ANKRD9: variants seen among roughly 807,000 people sequenced by gnomAD.
The protein encoded by ANKRD9 is ankyrin repeat domain 9.
In ANKRD9, 13 loss-of-function variants were observed where a neutral mutation model predicts 19.2. That is an observed-to-expected ratio of 0.68 (90% CI 0.44 to 1.08). ANKRD9 has a LOEUF of 1.08. Among genes scored for constraint, ANKRD9 ranks in the 50% least tolerant of loss-of-function variants. The pLI is 0.00. For synonymous variants in ANKRD9, 278 were observed against 256.8 expected, an observed-to-expected ratio of 1.08 and a Z score of -0.79; for missense variants, 518 against 499.9, an observed-to-expected ratio of 1.04 and a Z score of -0.34.
rs1290503936 is a variant in ANKRD9 at position 102,502,199 on chromosome 14, G to A, written c.*4737C>T. ...TCCCGGGCATGGTCATGAAAGCGTG[G>A]TTCTGTAAGAAATCAGAGGGAGAAA... On this transcript the variant is annotated 3_prime_UTR_variant, in exon 4 of 4. Transcript: ENST00000286918. 3 of 152,392 alleles carry A rather than the reference G, an allele frequency of 2.0e-5. No individual in the cohort carries two copies. Among genetic ancestry groups the A allele is most frequent in the Non-Finnish European group, 2.9e-5 (2 of 68,056 alleles). 9.4% of individuals were successfully genotyped at this position (152,392 alleles called of 1,614,324 possible). A position where few individuals can be genotyped will look rare whatever the true frequency, so the allele number is the denominator to read the frequency against.
rs1891621019 is a variant in ANKRD9, at chr14:102,507,146, G to A, written c.744C>T (p.Arg248=). Residue 248 remains arginine, a synonymous_variant, in exon 4 of 4, where the codon CGC becomes CGT. Coordinates refer to ENST00000286918, the MANE Select transcript of ANKRD9 (RefSeq NM_152326.4). The surrounding 1 kb of genome is among the most constrained non-coding windows in gnomAD (Gnocchi z 9.2). The part of the protein sequence containing the change: ...YTPVGAAGSA[R]QELLGDRPRW... The stretch of plus-strand genomic sequence containing the variant: ...GCGGCCGGTCGCCCAGCAGCTCCTG[G>A]CGGGCCGAGCCGGCGGCACCCACGG... 5.6e-6 allele frequency: 8 copies of A among 1,438,366 alleles called. No homozygotes were observed. The highest frequency in any genetic ancestry group is 7.2e-6 in the Non-Finnish European group (8 of 1,103,462). The allele number at this position is 1,438,366 out of a possible 1,614,324, so 89.1% of individuals were successfully genotyped here. A position where few individuals can be genotyped will look rare whatever the true frequency, so the allele number is the denominator to read the frequency against.
At position 102,507,788 on chromosome 14, in the gene ANKRD9, C is replaced by A; in HGVS notation, c.102G>T (p.Ser34=). The change falls in exon 4 of 4, where the codon TCG becomes TCT. Residue 34 remains serine (S), a synonymous_variant. Transcript: ENST00000286918. The surrounding 1 kb of genome is among the most constrained non-coding windows in gnomAD (Gnocchi z 9.2). ...SRAQKQCRKS[S]FAFYQAVRDL... Reference sequence around the variant, plus strand: ...CGCGCACCGCCTGGTAGAAGGCGAACGACGACTTGCGGCACTGCTTCTGCG... The same window carrying A: ...CGCGCACCGCCTGGTAGAAGGCGAAAGACGACTTGCGGCACTGCTTCTGCG... 9 of 1,466,666 alleles carry A rather than the reference C, an allele frequency of 6.1e-6. No homozygotes were observed. Among genetic ancestry groups the A allele is most frequent in the South Asian group, 1.2e-5 (1 of 80,850 alleles). The allele number at this position is 1,466,666 out of a possible 1,614,324, so 90.9% of individuals were successfully genotyped here.
rs896560335 is a variant in ANKRD9, at chr14:102,504,580, C to T, written c.*2356G>A. On this transcript the variant is annotated 3_prime_UTR_variant, in exon 4 of 4. Coordinates refer to ENST00000286918, the MANE Select transcript of ANKRD9 (RefSeq NM_152326.4). ...GGCTGCTTATCTGCCCAGCACCTTT[C>T]CTCTAGGTCCTCTCCTCCCACCAGT... 2.0e-5 allele frequency: 3 copies of T among 152,500 alleles called. No homozygotes were observed. Among genetic ancestry groups the T allele is most frequent in the African/African-American group, 7.2e-5 (3 of 41,452 alleles). The allele number at this position is 152,500 out of a possible 1,614,324, so 9.4% of individuals were successfully genotyped here. A position where few individuals can be genotyped will look rare whatever the true frequency, so the allele number is the denominator to read the frequency against.
Position 102,506,981 on chromosome 14 carries a change from C to T in ANKRD9, c.909G>A (p.Pro303=). 1.3e-6 allele frequency: 2 copies of T among 1,567,940 alleles called. No homozygotes were observed. Among genetic ancestry groups the T allele is most frequent in the South Asian group, 1.2e-5 (1 of 86,618 alleles). The part of the protein sequence containing the change: ...GRFPEALDEL[P]LPPFLQPLDL... ...CCAACGGCTGCAGGAATGGGGGCAG[C>T]GGCAGCTCGTCCAGGGCCTCGGGGA... Residue 303 remains proline, a synonymous_variant, in exon 4 of 4, where the codon CCG becomes CCA. Coordinates refer to ENST00000286918, the MANE Select transcript of ANKRD9 (RefSeq NM_152326.4).
rs1891658224 is a variant in ANKRD9, at chr14:102,507,708, C to T, written c.182G>A (p.Trp61Ter). 2.6e-6 allele frequency: 4 copies of T among 1,541,988 alleles called. No individual in the cohort carries two copies. Among genetic ancestry groups the T allele is most frequent in the Non-Finnish European group, 2.6e-6 (3 of 1,149,844 alleles). ...EDMRASEAFH[W>*]DERGRAAAYS... ...GGCGGCGGCGCGCCCGCGCTCGTCCCAGTGGAAGGCCTCGCTGGCGCGCAT... is the reference window on the plus strand; with the variant it reads ...GGCGGCGGCGCGCCCGCGCTCGTCCTAGTGGAAGGCCTCGCTGGCGCGCAT... The change falls in exon 4 of 4, where the codon TGG becomes TAG. Residue 61 changes from tryptophan to a stop codon, truncating the protein, a stop_gained. Coordinates refer to ENST00000286918, the MANE Select transcript of ANKRD9 (RefSeq NM_152326.4). LOFTEE classifies it high-confidence loss of function. The surrounding 1 kb of genome is among the most constrained non-coding windows in gnomAD (Gnocchi z 9.2).
Position 102,505,283 on chromosome 14 carries a change from C to CCCA in ANKRD9, c.*1652_*1653insTGG, listed in dbSNP as rs1891556590. On this transcript the variant is annotated 3_prime_UTR_variant, in exon 4 of 4. Coordinates refer to ENST00000286918, the MANE Select transcript of ANKRD9 (RefSeq NM_152326.4). ...CCAAAGGAGAGGCACCTCCCCCCCC[C>CCCA]ATGGCATCTCCAATCTGAGGACCTG... The CCCA allele has an allele frequency of 1.3e-5, 2 of 152,114 alleles. No homozygotes were observed. Among genetic ancestry groups the CCCA allele is most frequent in the Non-Finnish European group, 2.9e-5 (2 of 68,018 alleles). The allele number at this position is 152,114 out of a possible 1,614,324, so 9.4% of individuals were successfully genotyped here. A position where few individuals can be genotyped will look rare whatever the true frequency, so the allele number is the denominator to read the frequency against.
chr14:102,506,785 GAACT>G lies in ANKRD9; in HGVS notation c.*147_*150del, dbSNP rs1891599012. ...CTGCACCCAGAAAACCTGCCACTTG[GAACT>G]CACCTGACCATCCAAGCCCAGCCCC... On this transcript the variant is annotated 3_prime_UTR_variant, in exon 4 of 4. Coordinates refer to ENST00000286918, the MANE Select transcript of ANKRD9 (RefSeq NM_152326.4). 1 of 1,149,120 alleles carries G rather than the reference GAACT, an allele frequency of 8.7e-7. No homozygotes were observed. Among genetic ancestry groups the G allele is most frequent in the East Asian group, 3.2e-5 (1 of 31,190 alleles). The allele number at this position is 1,149,120 out of a possible 1,614,324, so 71.2% of individuals were successfully genotyped here.
At position 102,508,200 on chromosome 14, in the gene ANKRD9, C is replaced by T. The variant is rs1257057596; in HGVS notation, c.-53-258G>A. 6.6e-6 allele frequency among the ~76,000 whole-genome samples: 1 copy of T among 152,184 alleles called. No individual in the cohort carries two copies. The highest frequency in any genetic ancestry group is 1.5e-5 in the Non-Finnish European group (1 of 68,024). On this transcript the variant is annotated intron_variant, in intron 3 of 3. Transcript: ENST00000286918. This position sits in a 1 kb window ranked among gnomAD's most constrained non-coding sequence, Gnocchi z 6.2. ...TCTCTGGCACCTCTGCTGGAAATGCCCTTGCTGCCCATGCCCTCAAATCTC... is the reference window on the plus strand; with the variant it reads ...TCTCTGGCACCTCTGCTGGAAATGCTCTTGCTGCCCATGCCCTCAAATCTC...
Position 102,507,833 on chromosome 14 carries a change from C to A in ANKRD9, c.57G>T (p.Ser19=). ...TCTGCGCTCGCGAGCGCGCCGCGCC[C>A]GAGGCCTCGGGCCCGCCGTCCGCGC... is the stretch of plus-strand genomic sequence containing the variant. ...GGGADGGPEA[S]GAARSRAQKQ... is the part of the protein sequence containing the mutation. The change falls in exon 4 of 4, where the codon TCG becomes TCT. Residue 19 remains serine (S), a synonymous_variant. Transcript: ENST00000286918. The surrounding 1 kb of genome is among the most constrained non-coding windows in gnomAD (Gnocchi z 9.2). 1 of 1,348,692 alleles carries A rather than the reference C, an allele frequency of 7.4e-7. No individual in the cohort carries two copies. The allele number at this position is 1,348,692 out of a possible 1,614,324, so 83.5% of individuals were successfully genotyped here.
Position 102,503,747 on chromosome 14 carries a change from G to C in ANKRD9, c.*3189C>G, listed in dbSNP as rs986576956. 2.0e-5 allele frequency: 3 copies of C among 152,128 alleles called. No homozygotes were observed. The highest frequency in any genetic ancestry group is 7.2e-5 in the African/African-American group (3 of 41,422). 9.4% of individuals were successfully genotyped at this position (152,128 alleles called of 1,614,324 possible). A position where few individuals can be genotyped will look rare whatever the true frequency, so the allele number is the denominator to read the frequency against. On this transcript the variant is annotated 3_prime_UTR_variant, in exon 4 of 4. Coordinates refer to ENST00000286918, the MANE Select transcript of ANKRD9 (RefSeq NM_152326.4). The stretch of plus-strand genomic sequence containing the variant: ...ACTGCAGAGGGGCAGGGCTCCTCCG[G>C]CAGTTACTCACTTCCCTTGAAACAG...
Position 102,509,772 on chromosome 14 carries a change from G to C in ANKRD9, c.-578C>G, listed in dbSNP as rs1315208213. The C allele has an allele frequency of 6.8e-6, 1 of 147,764 alleles. No individual in the cohort carries two copies. The highest frequency in any genetic ancestry group is 2.4e-5 in the African/African-American group (1 of 40,908). 9.2% of individuals were successfully genotyped at this position (147,764 alleles called of 1,614,324 possible). On this transcript the variant is annotated 5_prime_UTR_variant, in exon 1 of 4. Coordinates refer to ENST00000286918, the MANE Select transcript of ANKRD9 (RefSeq NM_152326.4). ...GGGCGGCGCAGTGCGGCCCCGGCCA[G>C]GCAGGACAGCGGGACCGTCCGCCGC...
At position 102,502,613 on chromosome 14, in the gene ANKRD9, AAAT is replaced by A. The variant is rs1295760533; in HGVS notation, c.*4320_*4322del. ...TGCTTATACTACATTAAGGTTAAAA[AAAT>A]ACTAAATTGTGTAACTGATCTGGTT... On this transcript the variant is annotated 3_prime_UTR_variant, in exon 4 of 4. Coordinates refer to ENST00000286918, the MANE Select transcript of ANKRD9 (RefSeq NM_152326.4). 3 of 152,348 alleles carry A rather than the reference AAAT, an allele frequency of 2.0e-5. No individual in the cohort carries two copies. The highest frequency in any genetic ancestry group is 4.4e-5 in the Non-Finnish European group (3 of 68,042). The allele number at this position is 152,348 out of a possible 1,614,324, so 9.4% of individuals were successfully genotyped here. A position where few individuals can be genotyped will look rare whatever the true frequency, so the allele number is the denominator to read the frequency against.
In ANKRD9 at chr14:102,506,629, C is replaced by A; in HGVS notation, c.*307G>T. 3.2e-6 allele frequency: 1 copy of A among 315,336 alleles called. No individual in the cohort carries two copies. Among genetic ancestry groups the A allele is most frequent in the Non-Finnish European group, 5.8e-6 (1 of 173,780 alleles). 19.5% of individuals were successfully genotyped at this position (315,336 alleles called of 1,614,324 possible). A position where few individuals can be genotyped will look rare whatever the true frequency, so the allele number is the denominator to read the frequency against. On this transcript the variant is annotated 3_prime_UTR_variant, in exon 4 of 4. Coordinates refer to ENST00000286918, the MANE Select transcript of ANKRD9 (RefSeq NM_152326.4). ...GACATGCCAGTCCCCACCCCTGCAC[C>A]TACCGAGCTCCTGCGGCACTCAGCT...
rs955005299 is a variant in ANKRD9, at chr14:102,508,174, C to T, written c.-53-232G>A. On this transcript the variant is annotated intron_variant, in intron 3 of 3. Transcript: ENST00000286918. This position sits in a 1 kb window ranked among gnomAD's most constrained non-coding sequence, Gnocchi z 6.2. ...GTTCTCCCTCCTTGAAACTGACTTG[C>T]TCTCTGGCACCTCTGCTGGAAATGC... 1.3e-5 allele frequency among the ~76,000 whole-genome samples: 2 copies of T among 152,176 alleles called. No homozygotes were observed. The highest frequency in any genetic ancestry group is 1.3e-4 in the Admixed American group (2 of 15,280).
In ANKRD9 at chr14:102,505,477, G is replaced by C. The variant is rs1465745293; in HGVS notation, c.*1459C>G. The C allele has an allele frequency of 2.0e-5, 3 of 152,462 alleles. No individual in the cohort carries two copies. Among genetic ancestry groups the C allele is most frequent in the African/African-American group, 2.4e-5 (1 of 41,446 alleles). The allele number at this position is 152,462 out of a possible 1,614,324, so 9.4% of individuals were successfully genotyped here. On this transcript the variant is annotated 3_prime_UTR_variant, in exon 4 of 4. Transcript: ENST00000286918. ...GCAGTCTGGGCTCTGTCACTGTGCT[G>C]TCTCTCCATCCTTCCCTCCCCACAA...
At position 102,507,871 on chromosome 14, in the gene ANKRD9, G is replaced by C. The variant is rs1891667413; in HGVS notation, c.19C>G (p.Arg7Gly). The C allele has an allele frequency of 8.7e-6, 10 of 1,145,448 alleles. No homozygotes were observed. The highest frequency in any genetic ancestry group is 1.1e-5 in the Non-Finnish European group (10 of 924,850). The allele number at this position is 1,145,448 out of a possible 1,614,324, so 71.0% of individuals were successfully genotyped here. The change falls in exon 4 of 4, where the codon CGG (arginine) becomes GGG (glycine). Residue 7 changes from arginine (R) to glycine (G), a missense_variant. Coordinates refer to ENST00000286918, the MANE Select transcript of ANKRD9 (RefSeq NM_152326.4). This position sits in a 1 kb window ranked among gnomAD's most constrained non-coding sequence, Gnocchi z 9.2. MPWDAR[R>G]PGGGADGGPE... is the part of the protein sequence containing the mutation. The stretch of plus-strand genomic sequence containing the variant: ...CCGCCGTCCGCGCCACCCCCAGGCC[G>C]CCGCGCGTCCCACGGCATGCTGGCG...
chr14:102,507,268 C>T lies in ANKRD9; in HGVS notation c.622G>A (p.Gly208Arg). ...LLLRQLGRDA[G>R]ATPSAAGAPA... ...GCTCCGGCGGCGGAGGGAGTGGCCC[C>T]GGCGTCGCGGCCCAGCTGGCGCAGC... Residue 208 changes from glycine (G) to arginine (R), a missense_variant, in exon 4 of 4, where the codon GGG becomes AGG. By Grantham distance (125) the Gly-to-Arg change is moderately radical. Transcript: ENST00000286918. This position sits in a 1 kb window ranked among gnomAD's most constrained non-coding sequence, Gnocchi z 9.2. The T allele has an allele frequency of 1.7e-6, 2 of 1,210,302 alleles. No homozygotes were observed. The highest frequency in any genetic ancestry group is 1.0e-6 in the Non-Finnish European group (1 of 972,168). 75.0% of individuals were successfully genotyped at this position (1,210,302 alleles called of 1,614,324 possible). A position where few individuals can be genotyped will look rare whatever the true frequency, so the allele number is the denominator to read the frequency against.
Position 102,506,225 on chromosome 14 carries a change from G to A in ANKRD9, c.*711C>T, listed in dbSNP as rs1267215223. ...GGAGGAAGGCACATCCAACCCCACT[G>A]ACCGGCATGCACCTGGGGCCAGGGG... On this transcript the variant is annotated 3_prime_UTR_variant, in exon 4 of 4. Coordinates refer to ENST00000286918, the MANE Select transcript of ANKRD9 (RefSeq NM_152326.4). 1 of 152,264 alleles carries A rather than the reference G, an allele frequency of 6.6e-6. No homozygotes were observed. The highest frequency in any genetic ancestry group is 6.5e-5 in the Admixed American group (1 of 15,288). The allele number at this position is 152,264 out of a possible 1,614,324, so 9.4% of individuals were successfully genotyped here.
At chr14:102,509,249 A>C (rs1891713347) in intron 1 of ANKRD9, 1 of 152,072 alleles carries the variant, frequency 6.6e-6, no homozygotes, top group Non-Finnish European at 1.5e-5. Flanking sequence ...CGGGTTACGT[A>C]AAGTTCGGCC....
Sources: gnomAD v4.1 joint callset for allele counts (sites outside exome capture counted in the v4.1 genomes callset) on GRCh38, gnomAD v4.1.1 for gene constraint, Gnocchi (gnomAD v3.1) non-coding constraint, MANE v1.5 for transcripts, NCBI Gene and HGNC (gene_info 2026-07-23, HGNC 2026-07-21) for gene names.